The following MPHOSPH9 variants were observed in gnomAD, a reference collection of about 807,000 sequenced individuals.
MPHOSPH9 encodes M-phase phosphoprotein 9.
Under a neutral mutation model 145.5 loss-of-function variants are expected in MPHOSPH9, and 88 were observed. That is an observed-to-expected ratio of 0.60 (90% CI 0.51 to 0.72). The LOEUF is 0.72. MPHOSPH9 is among the 30% of genes least tolerant of loss of function. The probability of loss-of-function intolerance (pLI) is 0.00; values close to 1 mark genes in which losing one functional copy is unlikely to be tolerated. For synonymous variants in MPHOSPH9, 435 were observed against 486.2 expected (o/e 0.89, Z 1.39); for missense variants, 1,238 against 1,386.6 (o/e 0.89, Z 1.70).
intron 16 of MPHOSPH9, among the ~76,000 whole-genome samples, chr12:123,173,337 T>C (rs1451392947): frequency 6.6e-6 from 1 of 152,200 alleles, no homozygotes; most frequent in East Asian, 1.9e-4. Context: ...TCAGTTTTCA[T>C]TCACAATTCC....
chr12:123,190,871 T>C (rs1019392929), intron 13 of MPHOSPH9, among the ~76,000 whole-genome samples: 2 of 152,206 alleles, frequency 1.3e-5, no homozygotes, highest in Non-Finnish European at 2.9e-5. Flanking sequence ...TCTATACTTT[T>C]CTGTATGCTT....
intron 8 of MPHOSPH9, among the ~76,000 whole-genome samples, chr12:123,207,870 A>T (rs66512774): frequency 2.9e-4 from 2 of 6,790 alleles, no homozygotes; most frequent in African/African-American, 9.1e-4. Context: ...AAAAAAAAAG[A>T]AAAAAAAAAA....
At chr12:123,238,397 C>A (rs755575132) in intron 1 of MPHOSPH9, among the ~76,000 whole-genome samples, 2 of 152,060 alleles carry the variant, frequency 1.3e-5, no homozygotes, top group African/African-American at 4.8e-5. Flanking sequence ...GTTTCATCTC[C>A]TTCTTAAGGA....
At position 123,194,505 on chromosome 12, in the gene MPHOSPH9, T is replaced by C. The variant is rs1425281825; in HGVS notation, c.2122A>G (p.Asn708Asp). 1.5e-5 allele frequency: 25 copies of C among 1,612,978 alleles called. No homozygotes were observed. The highest frequency in any genetic ancestry group is 2.7e-5 in the African/African-American group (2 of 74,928). ...CTAGATTTTAGTCGAATGATGGTAT[T>C]GTCTTTTTCTTTACTGCTTGTTCTC... is the stretch of plus-strand genomic sequence containing the variant. ...EMRTSSKEKD[N>D]TIIRLKSRLQ... The change falls in exon 13 of 24, where the codon AAT becomes GAT. Residue 708 changes from asparagine to aspartate, a missense_variant. Coordinates refer to ENST00000606320, the MANE Select transcript of MPHOSPH9 (RefSeq NM_022782.4).
intron 12 of MPHOSPH9, among the ~76,000 whole-genome samples, chr12:123,195,321 T>G (rs2045893442): frequency 6.6e-6 from 1 of 151,536 alleles, no homozygotes; most frequent in Non-Finnish European, 1.5e-5. Flanking sequence ...GCACAGTAGC[T>G]CACGCCTGTA....
At chr12:123,197,768 C>T (rs1295031571) in intron 12 of MPHOSPH9, among the ~76,000 whole-genome samples, 4 of 137,714 alleles carry the variant, frequency 2.9e-5, no homozygotes, top group Non-Finnish European at 6.1e-5. Flanking sequence ...GGCGACAGAG[C>T]GAGACTCCAT....
chr12:123,240,299 G>T (rs1052098665), intron 1 of MPHOSPH9, among the ~76,000 whole-genome samples: 1 of 151,826 alleles, frequency 6.6e-6, no homozygotes, highest in East Asian at 1.9e-4. Context: ...GCTAGAACCC[G>T]GGAGGCGGAG....
intron 6 of MPHOSPH9, among the ~76,000 whole-genome samples, chr12:123,216,742 A>G (rs1265751612): frequency 6.6e-6 from 1 of 152,066 alleles, no homozygotes; most frequent in Non-Finnish European, 1.5e-5. Flanking sequence ...TCACGTCTAT[A>G]ATCCCGGCAC....
intron 12 of MPHOSPH9, among the ~76,000 whole-genome samples, chr12:123,197,790 GAA>G (rs374288592): frequency 9.6e-4 from 77 of 80,142 alleles, no homozygotes; most frequent in African/African-American, 2.9e-3. Flanking sequence ...TCAAAAAAAA[GAA>G]AAAAAAAAAA....
upstream of MPHOSPH9, among the ~76,000 whole-genome samples, chr12:123,234,272 CT>C (rs1325089225): frequency 2.0e-5 from 3 of 152,206 alleles, no homozygotes; most frequent in African/African-American, 7.2e-5. Context: ...GGCACTATCA[CT>C]TAGGCCTCCA....
intron 13 of MPHOSPH9, among the ~76,000 whole-genome samples, chr12:123,184,069 G>C (rs1286437866): frequency 1.3e-5 from 2 of 151,868 alleles, no homozygotes; most frequent in Admixed American, 1.3e-4. Context: ...AGCCAGGTCT[G>C]GTGGCATGTG....
chr12:123,209,722 GTGTTT>G (rs1454492612), intron 8 of MPHOSPH9, among the ~76,000 whole-genome samples: 2 of 146,362 alleles, frequency 1.4e-5, no homozygotes, highest in Non-Finnish European at 1.5e-5. Flanking sequence ...CACGGTGTGT[GTGTTT>G]TGTTTTGTTG....
intron 1 of MPHOSPH9, among the ~76,000 whole-genome samples, chr12:123,230,934 T>C (rs908247544): frequency 3.3e-5 from 5 of 151,970 alleles, no homozygotes; most frequent in African/African-American, 1.2e-4. Context: ...TGGTATGGAG[T>C]TTCTTTTTGG....
rs1399272840 is a variant in MPHOSPH9 at position 123,203,036 on chromosome 12, A to G, written c.1369T>C (p.Ser457Pro). The G allele has an allele frequency of 6.2e-7, 1 of 1,614,152 alleles. No individual in the cohort carries two copies. The highest frequency in any genetic ancestry group is 2.2e-5 in the East Asian group (1 of 44,890). ...GGAAGGCCGTGAGGTTGAATCCCTG[A>G]AATCTGCTGCTTTGGCTTCATGTGT... ...TLHMKPKQQI[S>P]GIQPHGLPNA... is the part of the protein sequence containing the mutation. The change falls in exon 10 of 24, where the codon TCA becomes CCA. Residue 457 changes from serine to proline, a missense_variant. By Grantham distance (74) the Ser-to-Pro change is moderately conservative. Coordinates refer to ENST00000606320, the MANE Select transcript of MPHOSPH9 (RefSeq NM_022782.4).
chr12:123,237,288 G>T (rs1261910047), upstream of MPHOSPH9, among the ~76,000 whole-genome samples: 1 of 151,816 alleles, frequency 6.6e-6, no homozygotes, highest in Non-Finnish European at 1.5e-5. Flanking sequence ...AAATTAGCCG[G>T]GCATGATGGC....
rs2047206820 is a variant in MPHOSPH9, at chr12:123,221,690, T to G, written c.554A>C (p.Gln185Pro). Reference sequence around the variant, plus strand: ...GCAACTATCCACATTGCAGTCTGGTTGTGACGTGGACATTTCTTGCTGTAT... The same window carrying G: ...GCAACTATCCACATTGCAGTCTGGTGGTGACGTGGACATTTCTTGCTGTAT... ...PEIQQEMSTS[Q>P]PDCNVDSCSV... Residue 185 changes from glutamine (Q) to proline (P), a missense_variant, in exon 5 of 24, where the codon CAA becomes CCA. Gln to Pro is a moderately conservative substitution (Grantham distance 76). This residue lies in a region of MPHOSPH9 where 837 missense variants were observed against 897.5 expected (regional missense o/e 0.93). Coordinates refer to ENST00000606320, the MANE Select transcript of MPHOSPH9 (RefSeq NM_022782.4). 6.2e-7 allele frequency: 1 copy of G among 1,614,028 alleles called. No homozygotes were observed. The highest frequency in any genetic ancestry group is 8.5e-7 in the Non-Finnish European group (1 of 1,179,998).
Position 123,202,301 on chromosome 12 carries a change from C to T in MPHOSPH9, c.1800G>A (p.Lys600=). Residue 600 remains lysine (K), a synonymous_variant, in exon 11 of 24, where the codon AAG becomes AAA. Coordinates refer to ENST00000606320, the MANE Select transcript of MPHOSPH9 (RefSeq NM_022782.4). Reference sequence around the variant, plus strand: ...CTGCTATGTGTCGAGCATGCTTTTCCTTCAGATTCTGCCTAATCCTTATTC... The same window carrying T: ...CTGCTATGTGTCGAGCATGCTTTTCTTTCAGATTCTGCCTAATCCTTATTC... ...VILSKIRQNL[K]EKHARHIADL... is the part of the protein sequence containing the mutation. 1 of 1,606,402 alleles carries T rather than the reference C, an allele frequency of 6.2e-7. No homozygotes were observed.
At chr12:123,223,762 A>G (rs959174983) in intron 3 of MPHOSPH9, among the ~76,000 whole-genome samples, 1 of 151,998 alleles carries the variant, frequency 6.6e-6, no homozygotes, top group African/African-American at 2.4e-5. Flanking sequence ...AAAGTCTCTT[A>G]AATGTTCACT....
At chr12:123,224,125 T>TATAC (rs1555231863) in intron 3 of MPHOSPH9, among the ~76,000 whole-genome samples, 14 of 132,410 alleles carry the variant, frequency 1.1e-4, no homozygotes, top group Non-Finnish European at 1.8e-4. Context: ...TATATATATA[T>TATAC]ACACATTTTT....
Sources: allele counts gnomAD v4.1 joint callset (sites outside exome capture counted in the v4.1 genomes callset), GRCh38; gene constraint gnomAD v4.1.1; regional missense constraint gnomAD v4.1.1; transcripts MANE v1.5; gene names NCBI Gene and HGNC (gene_info 2026-07-23, HGNC 2026-07-21).